Variants in KIF12 observed in about 807,000 individuals in gnomAD.
KIF12 encodes the protein kinesin-like protein KIF12.
KIF12 carries 80 observed loss-of-function variants against 87.9 expected under a neutral mutation model. That is an observed-to-expected ratio of 0.91 (90% CI 0.76 to 1.10). The LOEUF is 1.10. Among genes scored for constraint, KIF12 ranks in the 50% least tolerant of loss-of-function variants. The pLI is 0.00. For synonymous variants in KIF12, 353 were observed against 348.5 expected, an observed-to-expected ratio of 1.01 and a Z score of -0.14; for missense variants, 819 against 865.3, an observed-to-expected ratio of 0.95 and a Z score of 0.67.
chr9:114,098,387 C>T lies in KIF12; in HGVS notation c.214G>A (p.Gly72Ser). Residue 72 changes from glycine (G) to serine (S), a missense_variant, in exon 4 of 19, where the codon GGT becomes AGT. Physicochemically the swap from Gly to Ser is moderately conservative, Grantham distance 56 (BLOSUM62 0). Coordinates refer to ENST00000640217, the MANE Select transcript of KIF12 (RefSeq NM_001388308.1). ...GGGPEVAFRF[G>S]AVLDAARTQE... ...GTGCGCGCCGCGTCTAGCACCGCAC[C>T]GAAGCGGAACGCCACTTCTGGACCC... is the stretch of plus-strand genomic sequence containing the variant. The T allele has an allele frequency of 1.3e-6, 2 of 1,512,422 alleles. No homozygotes were observed. The highest frequency in any genetic ancestry group is 8.8e-7 in the Non-Finnish European group (1 of 1,136,606). 93.7% of individuals were successfully genotyped at this position (1,512,422 alleles called of 1,614,324 possible).
rs754403404 is a variant in KIF12, at chr9:114,091,923, G to A, written c.1894C>T (p.Arg632Cys). 5.6e-6 allele frequency: 9 copies of A among 1,612,720 alleles called. No individual in the cohort carries two copies. The highest frequency in any genetic ancestry group is 4.4e-5 in the South Asian group (4 of 91,020). The change falls in exon 19 of 19, where the codon CGC becomes TGC. Residue 632 changes from arginine (R) to cysteine (C), a missense_variant. Arg to Cys is a radical substitution (Grantham distance 180). Coordinates refer to ENST00000640217, the MANE Select transcript of KIF12 (RefSeq NM_001388308.1). ...DQIGSSLRRG[R>C]SQPPCSEGAR... ...CCCTCACTGCAGGGTGGCTGGCTGC[G>A]GCCACGTCGCAGGGAGCTGCCAATC...
Position 114,091,793 on chromosome 9 carries a change from A to T in KIF12, c.*68T>A. The stretch of plus-strand genomic sequence containing the variant: ...CTGTCTCCATTCAGCAGATGGGCAG[A>T]CTGAAGCCCAAGAGTGTGGAGCCCA... On this transcript the variant is annotated 3_prime_UTR_variant, in exon 19 of 19. Transcript: ENST00000640217. 1 of 1,467,360 alleles carries T rather than the reference A, an allele frequency of 6.8e-7. No homozygotes were observed. Among genetic ancestry groups the T allele is most frequent in the Non-Finnish European group, 9.1e-7 (1 of 1,096,004 alleles). 90.9% of individuals were successfully genotyped at this position (1,467,360 alleles called of 1,614,324 possible). A position where few individuals can be genotyped will look rare whatever the true frequency, so the allele number is the denominator to read the frequency against.
intron 7 of KIF12, 107 bp downstream of exon 7, chr9:114,097,194 A>G: frequency 1.4e-6 from 2 of 1,407,902 alleles, no homozygotes; most frequent in Non-Finnish European, 1.9e-6. Context: ...CTCCCCCAGG[A>G]ATCATTTCTG....
chr9:114,098,194 C>A lies in KIF12; in HGVS notation c.300-4G>T. On this transcript the variant is annotated splice_polypyrimidine_tract_variant and splice_region_variant and intron_variant, in intron 4 of 18. Transcript: ENST00000640217. The stretch of plus-strand genomic sequence containing the variant: ...GGTGAAAACAGTGCAGGAGAAACTG[C>A]GGGCGGCAAGGGCGTGGCTGGACTC... The A allele has an allele frequency of 1.3e-6, 2 of 1,543,996 alleles. No individual in the cohort carries two copies. Among genetic ancestry groups the A allele is most frequent in the South Asian group, 1.2e-5 (1 of 83,300 alleles).
intron 3 of KIF12, 26 bp from the exon 4 acceptor site, chr9:114,098,455 G>C (rs1365709233): frequency 7.4e-6 from 11 of 1,484,622 alleles, no homozygotes; most frequent in Non-Finnish European, 9.8e-6. Flanking sequence ...CGGAGGAGCG[G>C]GGCACTCTGG....
Position 114,097,353 on chromosome 9 carries a change from C to A in KIF12, c.594G>T (p.Leu198=). ...CCAGACTCCCAAATTCCACCACCCG[C>A]AGCTGCTCCACATAGAAGCCCCGAG... is the stretch of plus-strand genomic sequence containing the variant. ...NKTRGFYVEQ[L]RVVEFGSLEA... Residue 198 remains leucine, a synonymous_variant, in exon 7 of 19, where the codon CTG becomes CTT. Coordinates refer to ENST00000640217, the MANE Select transcript of KIF12 (RefSeq NM_001388308.1). 1.2e-6 allele frequency: 2 copies of A among 1,611,144 alleles called. No homozygotes were observed. The highest frequency in any genetic ancestry group is 1.7e-6 in the Non-Finnish European group (2 of 1,179,356).
Position 114,099,103 on chromosome 9 carries a change from C to A in KIF12, c.92+1G>T. On this transcript the variant is annotated splice_donor_variant, in intron 2 of 18. Coordinates refer to ENST00000640217, the MANE Select transcript of KIF12 (RefSeq NM_001388308.1). LOFTEE classifies it high-confidence loss of function. Reference sequence around the variant, plus strand: ...GTGCCTCCTAGCCAATTTATACCCACCTGAGCACCACCTGGATGGGCGTTT... The same window carrying A: ...GTGCCTCCTAGCCAATTTATACCCAACTGAGCACCACCTGGATGGGCGTTT... 6.4e-7 allele frequency: 1 copy of A among 1,550,572 alleles called. No homozygotes were observed. Among genetic ancestry groups the A allele is most frequent in the Non-Finnish European group, 8.7e-7 (1 of 1,146,980 alleles).
chr9:114,095,372 T>A lies in KIF12; in HGVS notation c.896-40A>T, dbSNP rs375583733. On this transcript the variant is annotated intron_variant, in intron 9 of 18. Coordinates refer to ENST00000640217, the MANE Select transcript of KIF12 (RefSeq NM_001388308.1). ...CAAGAGTTAGGAAGGTTACATCACT[T>A]GCCTAGGGCCATCAGGCTGGGATGC... The A allele has an allele frequency of 1.7e-4, 273 of 1,590,234 alleles. 1 individual carries two copies. Among genetic ancestry groups the A allele is most frequent in the Non-Finnish European group, 2.1e-4 (250 of 1,169,930 alleles).
Position 114,092,335 on chromosome 9 carries a change from C to A in KIF12, c.1814G>T (p.Arg605Ile). 6.3e-7 allele frequency: 1 copy of A among 1,577,992 alleles called. No individual in the cohort carries two copies. The highest frequency in any genetic ancestry group is 8.6e-7 in the Non-Finnish European group (1 of 1,164,540). Residue 605 changes from arginine (R) to isoleucine (I), a missense_variant and splice_region_variant, in exon 18 of 19, where the codon AGA (arginine) becomes ATA (isoleucine). Arg to Ile is a moderately conservative substitution (Grantham distance 97, BLOSUM62 -3). Transcript: ENST00000640217. ...CCCTCCCTCTCTCCCTTCTTCACCT[C>A]TGAGCCCTGGTGATGTCTTCGGGGG... ...VRPPKTSPGL[R>I]GGAGVPNLAQ...
rs1374157354 is a variant in KIF12 at position 114,098,087 on chromosome 9, C to G, written c.375+28G>C. On this transcript the variant is annotated intron_variant, in intron 5 of 18. Transcript: ENST00000640217. ...GCTTCCAGCCCACCCAGCCCCGCCC[C>G]GCGGGGGCGCCGCCGGCGCTCGCTC... 3 of 1,542,018 alleles carry G rather than the reference C, an allele frequency of 1.9e-6. No homozygotes were observed. The Admixed American group carries it at 6.1e-5, about 31-fold the overall frequency.
intron 4 of KIF12, 54 bp downstream of exon 4, chr9:114,098,248 G>A: frequency 6.6e-7 from 1 of 1,516,834 alleles, no homozygotes; most frequent in Non-Finnish European, 8.8e-7. Context: ...GGGGCTGGGG[G>A]TGCTTCGGGG....
chr9:114,092,959 T>G (rs1048299765), intron 16 of KIF12: 1 of 1,413,780 alleles, frequency 7.1e-7, no homozygotes. Context: ...GAATGTATGA[T>G]TCAGTAAATC....
intron 9 of KIF12, 127 bp from the exon 10 acceptor site, chr9:114,095,459 C>T: frequency 1.0e-6 from 1 of 997,416 alleles, no homozygotes; most frequent in Non-Finnish European, 1.5e-6. Context: ...TCCACATGAT[C>T]TCATGACTCA....
intron 3 of KIF12, among the ~76,000 whole-genome samples, 189 bp downstream of exon 3, chr9:114,098,746 A>G (rs1481556748): frequency 2.9e-5 from 2 of 68,474 alleles, no homozygotes; most frequent in African/African-American, 1.2e-4. Context: ...GGGCACTCGC[A>G]GGGGTTGGCG....
Position 114,094,288 on chromosome 9 carries a change from G to A in KIF12, c.1223-17C>T, listed in dbSNP as rs762657264. ...GCCCTGAGGCTGCAGGGAAGCAGGA[G>A]GTGGTGGATCCACAGGAGCCCCAGA... On this transcript the variant is annotated splice_polypyrimidine_tract_variant and intron_variant, in intron 12 of 18. Coordinates refer to ENST00000640217, the MANE Select transcript of KIF12 (RefSeq NM_001388308.1). 3 of 1,613,206 alleles carry A rather than the reference G, an allele frequency of 1.9e-6. No individual in the cohort carries two copies. Among genetic ancestry groups the A allele is most frequent in the Admixed American group, 1.7e-5 (1 of 60,018 alleles).
intron 4 of KIF12, 35 bp from the exon 5 acceptor site, chr9:114,098,225 G>A (rs1410990104): frequency 3.9e-6 from 6 of 1,522,378 alleles, no homozygotes; most frequent in Non-Finnish European, 5.3e-6. Flanking sequence ...GACTCCGGCG[G>A]CTACCCGGGG....
Position 114,092,364 on chromosome 9 carries a change from C to T in KIF12, c.1785G>A (p.Val595=), listed in dbSNP as rs778045067. 3 of 1,604,478 alleles carry T rather than the reference C, an allele frequency of 1.9e-6. No individual in the cohort carries two copies. In the African/African-American group the frequency reaches 4.0e-5, roughly 22 times the overall value. Reference sequence around the variant, plus strand: ...GCCCTGGTGATGTCTTCGGGGGCCTCACAGGCAGGGGAGGTGCAGAAGGTA... The same window carrying T: ...GCCCTGGTGATGTCTTCGGGGGCCTTACAGGCAGGGGAGGTGCAGAAGGTA... ...EVVPSAPPLP[V]RPPKTSPGLR... is the part of the protein sequence containing the mutation. The change falls in exon 18 of 19, where the codon GTG becomes GTA. Residue 595 remains valine, a synonymous_variant. Transcript: ENST00000640217.
At chr9:114,099,056 C>T in intron 2 of KIF12, 43 bp from the exon 3 acceptor site, 1 of 1,550,442 alleles carries the variant, frequency 6.4e-7, no homozygotes, top group Non-Finnish European at 8.7e-7. Flanking sequence ...CTGATGTCTT[C>T]CTCGATCCTT....
chr9:114,094,921 G>A, intron 11 of KIF12, 102 bp downstream of exon 11: 1 of 1,046,824 alleles, frequency 9.6e-7, no homozygotes, highest in Non-Finnish European at 1.4e-6. Context: ...TCCCAACTTT[G>A]ACCCAGTCCA....
Sources: allele counts gnomAD v4.1 joint callset (sites outside exome capture counted in the v4.1 genomes callset), GRCh38; gene constraint gnomAD v4.1.1; transcripts MANE v1.5; gene names NCBI Gene and HGNC (gene_info 2026-07-23, HGNC 2026-07-21).